Variants in SHC1 observed in about 807,000 individuals in gnomAD.
SHC1 encodes SHC adaptor protein 1.
SHC1 carries 30 observed loss-of-function variants against 55.9 expected under a neutral mutation model. The observed-to-expected ratio is 0.54, with a 90% CI of 0.40 to 0.73. The LOEUF (loss-of-function observed/expected upper bound fraction) is 0.73, where lower values mean the gene tolerates loss of function less well. SHC1 is among the 30% of genes least tolerant of loss of function. The pLI is 0.00. For synonymous variants in SHC1, 309 were observed against 306.1 expected (o/e 1.01, Z -0.10); for missense variants, 675 against 777.1 (o/e 0.87, Z 1.56).
In SHC1 at chr1:154,967,729, C is replaced by G; in HGVS notation, c.925G>C (p.Glu309Gln). Residue 309 changes from glutamate (E) to glutamine (Q), a missense_variant, in exon 7 of 12, where the codon GAG (glutamate) becomes CAG (glutamine). By Grantham distance (29) the Glu-to-Gln change is conservative. Coordinates refer to ENST00000448116, the MANE Select transcript of SHC1 (RefSeq NM_001130040.2). Reference sequence around the variant, plus strand: ...CTGAGGTATTGTTTGAAGCGCAACTCGAAGGCCTGGCCAATGGTGCTGATG... The same window carrying G: ...CTGAGGTATTGTTTGAAGCGCAACTGGAAGGCCTGGCCAATGGTGCTGATG... The part of the protein sequence containing the change: ...DVISTIGQAF[E>Q]LRFKQYLRNP... 1 of 1,614,106 alleles carries G rather than the reference C, an allele frequency of 6.2e-7. No homozygotes were observed. Among genetic ancestry groups the G allele is most frequent in the Non-Finnish European group, 8.5e-7 (1 of 1,180,010 alleles).
In SHC1 at chr1:154,963,977, A is replaced by G. The variant is rs773162116; in HGVS notation, c.1627-46T>C. Reference sequence around the variant, plus strand: ...AAGGTCAATTCAGGTGAAGAGTCAAATAAGACCTCAGCCTCCAAGGTGGAA... The same window carrying G: ...AAGGTCAATTCAGGTGAAGAGTCAAGTAAGACCTCAGCCTCCAAGGTGGAA... On this transcript the variant is annotated intron_variant, in intron 11 of 11. Coordinates refer to ENST00000448116, the MANE Select transcript of SHC1 (RefSeq NM_001130040.2). The G allele has an allele frequency of 1.4e-5, 23 of 1,608,758 alleles. No homozygotes were observed. The Admixed American group carries it at 2.3e-4, about 16-fold the overall frequency.
At chr1:154,971,017 A>C (rs1458696553), upstream of SHC1, among the ~76,000 whole-genome samples, 1 of 151,992 alleles carries the variant, frequency 6.6e-6, no homozygotes, top group Non-Finnish European at 1.5e-5. Flanking sequence ...AGGAGATAGG[A>C]GGTCTGGGTC....
chr1:154,972,674 G>A (rs1393969606), upstream of SHC1, among the ~76,000 whole-genome samples: 7 of 152,186 alleles, frequency 4.6e-5, no homozygotes, highest in African/African-American at 1.7e-4. Flanking sequence ...AATTTACATA[G>A]GGAGAAAGGA....
rs1262294012 is a variant in SHC1 at position 154,970,561 on chromosome 1, G to A, written c.-35C>T. 1 of 1,541,898 alleles carries A rather than the reference G, an allele frequency of 6.5e-7. No homozygotes were observed. The highest frequency in any genetic ancestry group is 1.9e-4 in the Middle Eastern group (1 of 5,340). On this transcript the variant is annotated 5_prime_UTR_variant, in exon 1 of 12. Coordinates refer to ENST00000448116, the MANE Select transcript of SHC1 (RefSeq NM_001130040.2). This position sits in a 1 kb window ranked among gnomAD's most constrained non-coding sequence, Gnocchi z 5.5. ...GAAAGAGGGGCTGCTGCCCAGCCTG[G>A]CCCCCCTGCCAGTTTGGGCAAGGGG...
Position 154,970,496 on chromosome 1 carries a change from T to G in SHC1, c.31A>C (p.Asn11His), listed in dbSNP as rs764712780. 6.2e-7 allele frequency: 1 copy of G among 1,611,326 alleles called. No homozygotes were observed. Among genetic ancestry groups the G allele is most frequent in the South Asian group, 1.1e-5 (1 of 90,952 alleles). ...GACAGAGACTCATTCCGGAGTGGAT[T>G]GTACTTGGGCTTGGGGGGCAGGAGA... is the stretch of plus-strand genomic sequence containing the variant. MDLLPPKPKY[N>H]PLRNESLSSL... Residue 11 changes from asparagine (N) to histidine (H), a missense_variant, in exon 1 of 12, where the codon AAT becomes CAT. Physicochemically the swap from Asn to His is moderately conservative, Grantham distance 68 (BLOSUM62 1). Coordinates refer to ENST00000448116, the MANE Select transcript of SHC1 (RefSeq NM_001130040.2). The surrounding 1 kb of genome is among the most constrained non-coding windows in gnomAD (Gnocchi z 5.5).
chr1:154,964,324 C>T (rs532114886), intron 11 of SHC1: 29 of 467,210 alleles, frequency 6.2e-5, no homozygotes, highest in African/African-American at 5.0e-4. Context: ...TCACTTGAGC[C>T]CGGGAGTTCA....
Position 154,970,380 on chromosome 1 carries a change from C to T in SHC1, c.147G>A (p.Leu49=). The T allele has an allele frequency of 6.2e-7, 1 of 1,602,870 alleles. No homozygotes were observed. The highest frequency in any genetic ancestry group is 1.1e-5 in the South Asian group (1 of 89,328). Residue 49 remains leucine (L), a synonymous_variant, in exon 1 of 12, where the codon CTG becomes CTA. Coordinates refer to ENST00000448116, the MANE Select transcript of SHC1 (RefSeq NM_001130040.2). The surrounding 1 kb of genome is among the most constrained non-coding windows in gnomAD (Gnocchi z 5.5). The part of the protein sequence containing the change: ...ASSLGPILPP[L]PGDDSPTTLC... The stretch of plus-strand genomic sequence containing the variant: ...GGGTAGTGGGACTATCGTCCCCAGG[C>T]AGAGGAGGCAGGATGGGCCCCAGGG...
chr1:154,970,632 G>C lies in SHC1; in HGVS notation c.-106C>G, dbSNP rs1656649939. On this transcript the variant is annotated 5_prime_UTR_variant, in exon 1 of 12. Coordinates refer to ENST00000448116, the MANE Select transcript of SHC1 (RefSeq NM_001130040.2). The surrounding 1 kb of genome is among the most constrained non-coding windows in gnomAD (Gnocchi z 5.5). ...AGGCCCTTAGCCTGGTTGGACCTCT[G>C]TGGCCCAGGAGTCACAGAAGTCCTG... The C allele has an allele frequency of 2.8e-6, 2 of 726,572 alleles. No individual in the cohort carries two copies. Among genetic ancestry groups the C allele is most frequent in the Non-Finnish European group, 4.6e-6 (2 of 434,634 alleles). 45.0% of individuals were successfully genotyped at this position (726,572 alleles called of 1,614,324 possible). A position where few individuals can be genotyped will look rare whatever the true frequency, so the allele number is the denominator to read the frequency against.
chr1:154,968,592 G>C lies in SHC1; in HGVS notation c.653C>G (p.Ser218Cys). 1.2e-6 allele frequency: 2 copies of C among 1,614,126 alleles called. No individual in the cohort carries two copies. Among genetic ancestry groups the C allele is most frequent in the Non-Finnish European group, 1.7e-6 (2 of 1,180,006 alleles). Residue 218 changes from serine (S) to cysteine (C), a missense_variant, in exon 4 of 12, where the codon TCT becomes TGT. By Grantham distance (112) the Ser-to-Cys change is moderately radical. This residue lies in a region of SHC1 where 159 missense variants were observed against 246.9 expected (regional missense o/e 0.64). Coordinates refer to ENST00000448116, the MANE Select transcript of SHC1 (RefSeq NM_001130040.2). ...RRKPCSRPLS[S>C]ILGRSNLKFA... is the part of the protein sequence containing the mutation. ...TTTCAGGTTACTCCTCCCCAGGATA[G>C]AGCTGAGCGGGCGGCTACAGGGCTA...
At position 154,970,062 on chromosome 1, in the gene SHC1, G is replaced by A. The variant is rs751296287; in HGVS notation, c.465C>T (p.Val155=). ...TRGWLHPNDK[V]MGPGVSYLVR... is the part of the protein sequence containing the mutation. ...CCAAGTAGGAAACCCCGGGTCCCAT[G>A]ACTTTGTCGTTGGGATGCAGCCAGC... Residue 155 remains valine, a synonymous_variant, in exon 1 of 12, where the codon GTC becomes GTT. Coordinates refer to ENST00000448116, the MANE Select transcript of SHC1 (RefSeq NM_001130040.2). This position sits in a 1 kb window ranked among gnomAD's most constrained non-coding sequence, Gnocchi z 5.5. The A allele has an allele frequency of 2.3e-5, 37 of 1,613,882 alleles. No homozygotes were observed. Among genetic ancestry groups the A allele is most frequent in the Admixed American group, 5.0e-5 (3 of 59,996 alleles).
At position 154,968,787 on chromosome 1, in the gene SHC1, GC is replaced by G. The variant is rs746501507; in HGVS notation, c.613del (p.Ala205ArgfsTer21). ...CCCAAGTACCTTTCTCCTCCTTGTC[GC>G]CCCCTTAGCACCCGGCACAGCCTCA... is the stretch of plus-strand genomic sequence containing the variant. ...VCEAVPGAKG[A>X]TRRRKPCSRP... On this transcript the variant is annotated frameshift_variant, in exon 3 of 12. Transcript: ENST00000448116. LOFTEE classifies it high-confidence loss of function. The G allele has an allele frequency of 6.2e-7, 1 of 1,612,512 alleles. No individual in the cohort carries two copies. Among genetic ancestry groups the G allele is most frequent in the African/African-American group, 1.3e-5 (1 of 74,366 alleles).
At chr1:154,974,318 G>A, upstream of SHC1, 2 of 278,552 alleles carry the variant, frequency 7.2e-6, no homozygotes, top group South Asian at 7.1e-5. Context: ...TGCCAGCTTA[G>A]GTTACCGCTC....
intron 1 of SHC1, 56 bp from the exon 2 acceptor site, chr1:154,969,504 C>G: frequency 1.7e-6 from 2 of 1,156,388 alleles, no homozygotes; most frequent in Non-Finnish European, 2.6e-6. Flanking sequence ...CCAGCCCCTT[C>G]ACAAAGGGCC....
upstream of SHC1, among the ~76,000 whole-genome samples, chr1:154,971,304 C>G (rs1044333357): frequency 1.3e-5 from 2 of 152,024 alleles, no homozygotes; most frequent in African/African-American, 4.8e-5. Flanking sequence ...CTGGAGCTAG[C>G]GAAGTGGGGA....
chr1:154,968,407 G>T (rs1656288100), intron 4 of SHC1, 88 bp downstream of exon 4: 3 of 1,580,596 alleles, frequency 1.9e-6, no homozygotes, highest in Middle Eastern at 1.9e-4. Flanking sequence ...CTGCTCTCAA[G>T]CCCTCTTCCT....
At position 154,966,110 on chromosome 1, in the gene SHC1, C is replaced by T. The variant is rs774572217; in HGVS notation, c.1253-30G>A. 1.1e-5 allele frequency: 17 copies of T among 1,613,900 alleles called. No individual in the cohort carries two copies. The South Asian group carries it at 1.8e-4, about 17-fold the overall frequency. On this transcript the variant is annotated intron_variant, in intron 9 of 11. Coordinates refer to ENST00000448116, the MANE Select transcript of SHC1 (RefSeq NM_001130040.2). ...GGAAAGGGAGGCTCTACAGTGATCC[C>T]AGCCCTGCCTCCAACACTCCCCAGC... is the stretch of plus-strand genomic sequence containing the variant.
intron 6 of SHC1, 54 bp downstream of exon 6, chr1:154,967,926 C>T (rs1175337789): frequency 1.9e-6 from 3 of 1,607,798 alleles, no homozygotes; most frequent in Non-Finnish European, 2.6e-6. Context: ...ACCAAAGGTC[C>T]TACTCACCTC....
rs1438878140 is a variant in SHC1 at position 154,970,303 on chromosome 1, C to T, written c.224G>A (p.Gly75Glu). The T allele has an allele frequency of 6.2e-7, 1 of 1,604,740 alleles. No homozygotes were observed. The highest frequency in any genetic ancestry group is 1.7e-5 in the Admixed American group (1 of 59,390). Residue 75 changes from glycine (G) to glutamate (E), a missense_variant, in exon 1 of 12, where the codon GGG becomes GAG. By Grantham distance (98) the Gly-to-Glu change is moderately conservative. Around this residue, in one of 3 missense-constraint regions of SHC1, gnomAD observed 156 missense variants for 159.1 expected, o/e 0.98. Transcript: ENST00000448116. The surrounding 1 kb of genome is among the most constrained non-coding windows in gnomAD (Gnocchi z 5.5). ...MSNLRLANPA[G>E]GRPGSKGEPG... is the part of the protein sequence containing the mutation. ...CTCCCCCTTAGACCCTGGGCGCCCC[C>T]CAGCCGGGTTGGCCAGCCTCAGGTT...
At chr1:154,969,063 C>G (rs1338817327) in intron 2 of SHC1, among the ~76,000 whole-genome samples, 5 of 152,136 alleles carry the variant, frequency 3.3e-5, no homozygotes, top group Non-Finnish European at 2.9e-5. Flanking sequence ...CCCCTTCCAG[C>G]TACCAAATGT....
Sources: gnomAD v4.1 joint callset for allele counts (sites outside exome capture counted in the v4.1 genomes callset) on GRCh38, gnomAD v4.1.1 for gene constraint, gnomAD v4.1.1 regional missense constraint, Gnocchi (gnomAD v3.1) non-coding constraint, MANE v1.5 for transcripts, NCBI Gene and HGNC (gene_info 2026-07-23, HGNC 2026-07-21) for gene names.